Variants in ULK4 observed in about 807,000 individuals in gnomAD.
ULK4 encodes the protein inactive serine/threonine-protein kinase ULK4.
In ULK4, 133 loss-of-function variants were observed where a neutral mutation model predicts 160.6. The observed-to-expected ratio is 0.83, with a 90% confidence interval of 0.72 to 0.96. ULK4 has a LOEUF of 0.96. Among genes scored for constraint, ULK4 ranks in the 40% least tolerant of loss-of-function variants. The pLI, the probability that ULK4 is intolerant of heterozygous loss-of-function variation, is 0.00. For synonymous variants in ULK4, 534 were observed against 539.8 expected, an observed-to-expected ratio of 0.99 and a Z score of 0.15; for missense variants, 1,580 against 1,499.5, an observed-to-expected ratio of 1.05 and a Z score of -0.89.
chr3:41,527,840 A>C (rs1258442060), intron 32 of ULK4, among the ~76,000 whole-genome samples: 1 of 152,250 alleles, frequency 6.6e-6, no homozygotes, highest in Non-Finnish European at 1.5e-5. Context: ...CTTTTAAAGA[A>C]CACATTTTAT....
intron 32 of ULK4, among the ~76,000 whole-genome samples, chr3:41,497,631 C>T (rs982177671): frequency 1.3e-5 from 2 of 152,002 alleles, no homozygotes; most frequent in Admixed American, 1.3e-4. Flanking sequence ...ATATACTGTA[C>T]CACAAATAAG....
At chr3:41,397,464 A>T (rs1191201214) in intron 35 of ULK4, among the ~76,000 whole-genome samples, 1 of 152,162 alleles carries the variant, frequency 6.6e-6, no homozygotes, top group Non-Finnish European at 1.5e-5. Context: ...AAGCCTCTGG[A>T]TATGATGGAT....
intron 32 of ULK4, among the ~76,000 whole-genome samples, chr3:41,543,899 A>G (rs1186945339): frequency 2.6e-5 from 4 of 152,062 alleles, no homozygotes; most frequent in Non-Finnish European, 4.4e-5. Flanking sequence ...GTCTCTTTAT[A>G]TTATCTACTT....
intron 34 of ULK4, among the ~76,000 whole-genome samples, chr3:41,452,368 A>G (rs115523472): frequency 7.5e-4 from 115 of 152,330 alleles, no homozygotes; most frequent in African/African-American, 2.4e-3. Context: ...TCAACAAACA[A>G]TTCTGAAAGA....
rs147832344 is a variant in ULK4 at position 41,292,805 on chromosome 3, G to A, written c.3679-43231C>T. Among the ~76,000 whole-genome samples, 338 of 152,246 alleles carry A rather than the reference G, an allele frequency of 2.2e-3. 2 individuals are homozygous for A. Among genetic ancestry groups the A allele is most frequent in the East Asian group, 0.016 (82 of 5,188 alleles). On this transcript the variant is annotated intron_variant, in intron 35 of 36. Coordinates refer to ENST00000301831, the MANE Select transcript of ULK4 (RefSeq NM_017886.4). ...TTAAAAATACAAAAATTAGCTGGGT[G>A]TGGTGGTGCATGTCTGTAATCCCAG... is the stretch of plus-strand genomic sequence containing the variant.
chr3:41,542,096 G>A (rs1033106679), intron 32 of ULK4, among the ~76,000 whole-genome samples: 2 of 152,106 alleles, frequency 1.3e-5, no homozygotes, highest in African/African-American at 4.8e-5. Flanking sequence ...TCTTGTGCTG[G>A]TTTTCAAAGG....
intron 17 of ULK4, 31 bp downstream of exon 17, chr3:41,883,843 T>C: frequency 6.5e-7 from 1 of 1,533,122 alleles, no homozygotes; most frequent in Non-Finnish European, 9.0e-7. Flanking sequence ...TTTCTTGACA[T>C]TCATCACATT....
At chr3:41,904,822 A>T (rs1356214084) in intron 12 of ULK4, among the ~76,000 whole-genome samples, 1 of 152,350 alleles carries the variant, frequency 6.6e-6, no homozygotes, top group East Asian at 1.9e-4. Context: ...TGCATTCAAC[A>T]CAACTATGAT....
At chr3:41,477,715 C>A (rs1396681669) in intron 32 of ULK4, among the ~76,000 whole-genome samples, 1 of 152,178 alleles carries the variant, frequency 6.6e-6, no homozygotes, top group Non-Finnish European at 1.5e-5. Context: ...GACATACTGA[C>A]AGGTTATAAA....
intron 17 of ULK4, among the ~76,000 whole-genome samples, chr3:41,844,769 G>A (rs535563622): frequency 1.4e-5 from 2 of 139,602 alleles, no homozygotes; most frequent in South Asian, 2.4e-4. Context: ...ACAGTCACTC[G>A]GAAAACTTTG....
At chr3:41,520,226 C>G (rs868793100) in intron 32 of ULK4, among the ~76,000 whole-genome samples, 1 of 152,144 alleles carries the variant, frequency 6.6e-6, no homozygotes, top group African/African-American at 2.4e-5. Context: ...CTCCCTCCCC[C>G]CAGCCCCTGG....
chr3:41,491,209 A>C (rs1371906099), intron 32 of ULK4, among the ~76,000 whole-genome samples: 3 of 152,212 alleles, frequency 2.0e-5, no homozygotes, highest in Non-Finnish European at 2.9e-5. Context: ...TTTCTAAAAC[A>C]TGTCAATTCT....
At chr3:41,755,047 G>A (rs1379871541) in intron 21 of ULK4, among the ~76,000 whole-genome samples, 1 of 152,208 alleles carries the variant, frequency 6.6e-6, no homozygotes, top group Middle Eastern at 3.4e-3. Context: ...GTATTGACAA[G>A]GAATAGTGCT....
At chr3:41,399,385 AT>A (rs1559571060) in intron 34 of ULK4, among the ~76,000 whole-genome samples, 3 of 152,170 alleles carry the variant, frequency 2.0e-5, no homozygotes, top group African/African-American at 7.2e-5. Context: ...AGTTCTTTAT[AT>A]ATTTTAAATA....
intron 34 of ULK4, among the ~76,000 whole-genome samples, chr3:41,451,599 C>A (rs148663997): frequency 7.2e-5 from 11 of 152,214 alleles, no homozygotes; most frequent in Non-Finnish European, 1.2e-4. Context: ...GACATTCAGT[C>A]TTGGATTTCT....
At chr3:41,734,758 A>G (rs1376060224) in intron 22 of ULK4, among the ~76,000 whole-genome samples, 1 of 152,218 alleles carries the variant, frequency 6.6e-6, no homozygotes, top group East Asian at 1.9e-4. Context: ...TTTTTCACAT[A>G]GTCCCACTGG....
At chr3:41,905,034 GC>G (rs1471528015) in intron 12 of ULK4, among the ~76,000 whole-genome samples, 1 of 152,160 alleles carries the variant, frequency 6.6e-6, no homozygotes, top group Non-Finnish European at 1.5e-5. Context: ...ACCCAGAACA[GC>G]CAAAACCACC....
intron 35 of ULK4, among the ~76,000 whole-genome samples, chr3:41,350,615 C>T (rs1452506113): frequency 1.3e-5 from 2 of 152,248 alleles, no homozygotes; most frequent in South Asian, 4.1e-4. Context: ...ATCATCTAGA[C>T]TTTGCAGTGA....
chr3:41,895,540 G>T lies in ULK4; in HGVS notation c.1555C>A (p.Arg519=). 6.6e-7 allele frequency: 1 copy of T among 1,507,454 alleles called. No individual in the cohort carries two copies. The highest frequency in any genetic ancestry group is 8.9e-7 in the Non-Finnish European group (1 of 1,127,656). 93.4% of individuals were successfully genotyped at this position (1,507,454 alleles called of 1,614,324 possible). A position where few individuals can be genotyped will look rare whatever the true frequency, so the allele number is the denominator to read the frequency against. ...TACATATCCCAGTTTGGAGCTATCCGCAAATGCTGGATTAGCAATTGGAAC... is the reference window on the plus strand; with the variant it reads ...TACATATCCCAGTTTGGAGCTATCCTCAAATGCTGGATTAGCAATTGGAAC... The part of the protein sequence containing the change: ...PLFQLLIQHL[R]IAPNWDIRAK... Residue 519 remains arginine (R), a synonymous_variant, in exon 16 of 37, where the codon CGG becomes AGG. Coordinates refer to ENST00000301831, the MANE Select transcript of ULK4 (RefSeq NM_017886.4).
Sources: gnomAD v4.1 joint callset for allele counts (sites outside exome capture counted in the v4.1 genomes callset) on GRCh38, gnomAD v4.1.1 for gene constraint, MANE v1.5 for transcripts, NCBI Gene and HGNC (gene_info 2026-07-23, HGNC 2026-07-21) for gene names.